The following FAM240B variants were observed in gnomAD, a reference collection of about 807,000 sequenced individuals.
The protein encoded by FAM240B is family with sequence similarity 240 member B.
chr9:38,715,486 G>C (rs550156621), intron 1 of FAM240B, among the ~76,000 whole-genome samples: 1 of 152,298 alleles, frequency 6.6e-6, no homozygotes, highest in South Asian at 2.1e-4. Context: ...GTGGAGTCCT[G>C]GTGTGTTTAG....
At chr9:38,704,625 C>A in intron 1 of FAM240B, among the ~76,000 whole-genome samples, 1 of 152,160 alleles carries the variant, frequency 6.6e-6, no homozygotes. Flanking sequence ...AGATGCACAT[C>A]ATCAACAAAA....
intron 2 of FAM240B, among the ~76,000 whole-genome samples, chr9:38,702,417 A>G (rs1821139404): frequency 6.6e-6 from 1 of 152,232 alleles, no homozygotes; most frequent in South Asian, 2.1e-4. Context: ...CAGGCACAGA[A>G]ACATGGAATC....
rs753077887 is a variant in FAM240B, at chr9:38,696,252, C to T, written c.144-1383G>A. Reference sequence around the variant, plus strand: ...TTCATTCTTATAAATAACGCCACAACGAGTATAATACTTAATACTCTTTCT... The same window carrying T: ...TTCATTCTTATAAATAACGCCACAATGAGTATAATACTTAATACTCTTTCT... On this transcript the variant is annotated intron_variant, in intron 2 of 2. Transcript: ENST00000637493. 1.4e-4 allele frequency among the ~76,000 whole-genome samples: 21 copies of T among 152,146 alleles called. 1 individual carries two copies. The highest frequency in any genetic ancestry group is 4.6e-4 in the Admixed American group (7 of 15,272).
At chr9:38,694,919 G>A in intron 2 of FAM240B, 50 bp from the exon 3 acceptor site, 1 of 398,580 alleles carries the variant, frequency 2.5e-6, no homozygotes, top group Non-Finnish European at 4.4e-6. Flanking sequence ...CTCCAGCTGT[G>A]CTGGTCGACT....
At chr9:38,713,063 T>C (rs1481614118) in intron 1 of FAM240B, among the ~76,000 whole-genome samples, 1 of 152,168 alleles carries the variant, frequency 6.6e-6, no homozygotes, top group African/African-American at 2.4e-5. Context: ...TCCTGCCAGG[T>C]TGTGAGTGGG....
chr9:38,703,981 G>C lies in FAM240B; in HGVS notation c.19C>G (p.Arg7Gly), dbSNP rs575398276. The part of the protein sequence containing the change: MNNQYI[R>G]REVFCCGTCH... ...GTTCCACAGCAGAAGACTTCTCGAC[G>C]GATGTATTGATTGTTCATCCCCTGA... Residue 7 changes from arginine (R) to glycine (G), a missense_variant, in exon 2 of 3, where the codon CGT becomes GGT. Arg to Gly is a moderately radical substitution (Grantham distance 125). Coordinates refer to ENST00000637493, the MANE Select transcript of FAM240B (RefSeq NM_001394922.1). The C allele has an allele frequency of 5.0e-6, 2 of 400,168 alleles. No individual in the cohort carries two copies. Among genetic ancestry groups the C allele is most frequent in the African/African-American group, 2.1e-5 (1 of 48,728 alleles). 24.8% of individuals were successfully genotyped at this position (400,168 alleles called of 1,614,324 possible). A position where few individuals can be genotyped will look rare whatever the true frequency, so the allele number is the denominator to read the frequency against.
intron 1 of FAM240B, among the ~76,000 whole-genome samples, chr9:38,719,506 C>G (rs1821347829): frequency 1.3e-5 from 2 of 152,234 alleles, no homozygotes; most frequent in Non-Finnish European, 2.9e-5. Context: ...TGATGAGGGG[C>G]TAGGGAAGAG....
At chr9:38,714,062 C>A (rs1468773016) in intron 1 of FAM240B, among the ~76,000 whole-genome samples, 2 of 152,050 alleles carry the variant, frequency 1.3e-5, no homozygotes, top group Non-Finnish European at 2.9e-5. Context: ...AAGGGCATTG[C>A]AGAATTAGTC....
In FAM240B at chr9:38,713,481, CAAAAAAA is replaced by C. The variant is rs77404875; in HGVS notation, c.-4+6534_-4+6540del. Among the ~76,000 whole-genome samples the C allele has an allele frequency of 3.9e-4, 33 of 83,598 alleles. No homozygotes were observed. In the South Asian group the frequency reaches 5.3e-3, roughly 13 times the overall value. 54.8% of individuals were successfully genotyped at this position (83,598 alleles called of 152,430 possible). On this transcript the variant is annotated intron_variant, in intron 1 of 2. Coordinates refer to ENST00000637493, the MANE Select transcript of FAM240B (RefSeq NM_001394922.1). Reference sequence around the variant, plus strand: ...CTACAGAGTGAGACTCCGTTTCAAACAAAAAAAAAAAAAAAAAAAAAAAAGAACTAGA... The same window carrying C: ...CTACAGAGTGAGACTCCGTTTCAAACAAAAAAAAAAAAAAAAAGAACTAGA...
rs1171915455 is a variant in FAM240B, at chr9:38,707,625, A to C, written c.-3-3623T>G. ...CTACTAAAAAAAACAAAAAAAAAAA[A>C]CAAAAAAAAAACCAAAAAATTAGCT... On this transcript the variant is annotated intron_variant, in intron 1 of 2. Coordinates refer to ENST00000637493, the MANE Select transcript of FAM240B (RefSeq NM_001394922.1). 1.6e-3 allele frequency among the ~76,000 whole-genome samples: 229 copies of C among 142,366 alleles called. 1 individual carries two copies. Among genetic ancestry groups the C allele is most frequent in the Middle Eastern group, 3.5e-3 (1 of 286 alleles). The allele number at this position is 142,366 out of a possible 152,430, so 93.4% of individuals were successfully genotyped here.
intron 2 of FAM240B, among the ~76,000 whole-genome samples, chr9:38,703,128 T>C (rs1044053933): frequency 6.6e-6 from 1 of 152,132 alleles, no homozygotes; most frequent in African/African-American, 2.4e-5. Context: ...TGAATGTCAA[T>C]AGCGCTGAGG....
At chr9:38,717,967 AT>A (rs1821328275) in intron 1 of FAM240B, among the ~76,000 whole-genome samples, 1 of 152,238 alleles carries the variant, frequency 6.6e-6, no homozygotes, top group South Asian at 2.1e-4. Context: ...CCCACTGTTA[AT>A]GATGTCATAT....
rs201704594 is a variant in FAM240B at position 38,714,038 on chromosome 9, T to TA, written c.-4+5983dup. Among the ~76,000 whole-genome samples, 1,212 of 152,138 alleles carry TA rather than the reference T, an allele frequency of 8.0e-3. 16 individuals are homozygous for TA. Among genetic ancestry groups the TA allele is most frequent in the African/African-American group, 0.026 (1,086 of 41,508 alleles). On this transcript the variant is annotated intron_variant, in intron 1 of 2. Transcript: ENST00000637493. ...GTAGTGTCACAAAGTAACAGAGGCT[T>TA]AAAAAAATAGGTGAAGGGCATTGCA...
intron 1 of FAM240B, among the ~76,000 whole-genome samples, chr9:38,717,345 C>T (rs993442740): frequency 6.6e-6 from 1 of 152,068 alleles, no homozygotes; most frequent in East Asian, 2.0e-4. Flanking sequence ...TTTTGGGAGG[C>T]CAAGGCGGGC....
At position 38,694,716 on chromosome 9, in the gene FAM240B, T is replaced by G. The variant is rs536563092; in HGVS notation, c.*60A>C. 43 of 280,780 alleles carry G rather than the reference T, an allele frequency of 1.5e-4. No homozygotes were observed. The South Asian group carries it at 6.0e-3, about 39-fold the overall frequency. The allele number at this position is 280,780 out of a possible 1,614,324, so 17.4% of individuals were successfully genotyped here. On this transcript the variant is annotated 3_prime_UTR_variant, in exon 3 of 3. Transcript: ENST00000637493. ...TAAATCAGCACAACTTGAGTGTTAGTTTTTTTCCCCTAGAAAAGTGGTCGC... is the reference window on the plus strand; with the variant it reads ...TAAATCAGCACAACTTGAGTGTTAGGTTTTTTCCCCTAGAAAAGTGGTCGC...
chr9:38,700,647 C>T (rs1211426124), intron 2 of FAM240B, among the ~76,000 whole-genome samples: 1 of 152,236 alleles, frequency 6.6e-6, no homozygotes, highest in Non-Finnish European at 1.5e-5. Context: ...ACACATCATG[C>T]CTATACGACA....
At chr9:38,717,612 C>T (rs1017839297) in intron 1 of FAM240B, among the ~76,000 whole-genome samples, 8 of 152,076 alleles carry the variant, frequency 5.3e-5, no homozygotes, top group African/African-American at 1.9e-4. Flanking sequence ...TCCTGAGTAG[C>T]TGGGACTACA....
At position 38,698,791 on chromosome 9, in the gene FAM240B, A is replaced by T. The variant is rs187553858; in HGVS notation, c.144-3922T>A. On this transcript the variant is annotated intron_variant, in intron 2 of 2. Transcript: ENST00000637493. The stretch of plus-strand genomic sequence containing the variant: ...TTCACAGCAGTTATACACTATTGCT[A>T]AATGGTAAGGAATTCAGGCCTCCAT... 3.3e-3 allele frequency among the ~76,000 whole-genome samples: 499 copies of T among 152,370 alleles called. 6 individuals are homozygous for T. The highest frequency in any genetic ancestry group is 0.011 in the African/African-American group (478 of 41,582).
Position 38,710,684 on chromosome 9 carries a change from A to G in FAM240B, c.-3-6682T>C, listed in dbSNP as rs571921287. ...TCAGAAATGGAGCAGGTCTGCCCCC[A>G]CTAAGTGGTCAGACAAAACTGCCCA... On this transcript the variant is annotated intron_variant, in intron 1 of 2. Coordinates refer to ENST00000637493, the MANE Select transcript of FAM240B (RefSeq NM_001394922.1). Among the ~76,000 whole-genome samples the G allele has an allele frequency of 1.3e-4, 19 of 148,626 alleles. No individual in the cohort carries two copies. The South Asian group carries it at 3.2e-3, about 25-fold the overall frequency.
Sources: gnomAD v4.1 joint callset for allele counts (sites outside exome capture counted in the v4.1 genomes callset) on GRCh38, gnomAD v4.1.1 for gene constraint, MANE v1.5 for transcripts, NCBI Gene and HGNC (gene_info 2026-07-23, HGNC 2026-07-21) for gene names.